CACTIN: variants seen among roughly 807,000 people sequenced by gnomAD.
The protein encoded by CACTIN is cactin, spliceosome C complex subunit, also known as splicing factor Cactin.
In CACTIN, 20 loss-of-function variants were observed where a neutral mutation model predicts 84.9. The observed-to-expected ratio is 0.24, with a 90% CI of 0.17 to 0.34. CACTIN has a LOEUF of 0.34. Among genes scored for constraint, CACTIN ranks in the 10% least tolerant of loss-of-function variants. The probability of loss-of-function intolerance (pLI) is 1.00; values close to 1 mark genes in which losing one functional copy is unlikely to be tolerated. For synonymous variants in CACTIN, 549 were observed against 467.9 expected (o/e 1.17, Z -2.24); for missense variants, 897 against 1,117.2 (o/e 0.80, Z 2.81).
At chr19:3,619,666 G>T (rs554438446) in intron 4 of CACTIN, among the ~76,000 whole-genome samples, 6 of 152,298 alleles carry the variant, frequency 3.9e-5, no homozygotes, top group Admixed American at 6.5e-5. Context: ...CCGGGTTTCT[G>T]TTCTGGGCCT....
chr19:3,624,728 G>C (rs554135222), intron 1 of CACTIN, among the ~76,000 whole-genome samples: 1 of 152,120 alleles, frequency 6.6e-6, no homozygotes, highest in Non-Finnish European at 1.5e-5. Context: ...TCAAGGGAGG[G>C]CTTCCTAGAT....
chr19:3,613,853 G>T, intron 7 of CACTIN: 1 of 527,010 alleles, frequency 1.9e-6, no homozygotes, highest in South Asian at 2.7e-5. Context: ...AGTGTCTTGT[G>T]GCTGGGGCTG....
chr19:3,613,296 C>T lies in CACTIN; in HGVS notation c.1548G>A (p.Glu516=). Reference sequence around the variant, plus strand: ...CCTCTGTCGGGGTCGCGCCGTCCACCTCGGCCTCCGCGGGGCCGCCCTCCG... The same window carrying T: ...CCTCTGTCGGGGTCGCGCCGTCCACTTCGGCCTCCGCGGGGCCGCCCTCCG... The part of the protein sequence containing the change: ...PSSEGGPAEA[E]VDGATPTEGD... The change falls in exon 9 of 10, where the codon GAG becomes GAA. Residue 516 remains glutamate, a synonymous_variant. Transcript: ENST00000429344. 6.3e-7 allele frequency: 1 copy of T among 1,598,490 alleles called. No individual in the cohort carries two copies. Among genetic ancestry groups the T allele is most frequent in the Non-Finnish European group, 8.5e-7 (1 of 1,175,918 alleles).
chr19:3,613,160 G>T lies in CACTIN; in HGVS notation c.1684C>A (p.Arg562=), dbSNP rs371323853. 6.2e-7 allele frequency: 1 copy of T among 1,610,318 alleles called. No homozygotes were observed. The highest frequency in any genetic ancestry group is 8.5e-7 in the Non-Finnish European group (1 of 1,179,308). Residue 562 remains arginine, a synonymous_variant, in exon 9 of 10, where the codon CGG becomes AGG. Coordinates refer to ENST00000429344, the MANE Select transcript of CACTIN (RefSeq NM_001080543.2). ...GGCAGCTCGTGCGCCGTGAGCAGCC[G>T]CGGGCTGTACCTGCCGGCGTCGTAG... ...DDYDAGRYSP[R]LLTAHELPLD...
At chr19:3,624,222 G>C in intron 1 of CACTIN, 60 bp from the exon 2 acceptor site, 1 of 1,426,624 alleles carries the variant, frequency 7.0e-7, no homozygotes, top group Non-Finnish European at 9.4e-7. Context: ...CTCCACAGAT[G>C]CTTACTGGGT....
At chr19:3,617,864 G>A (rs1011683911) in intron 6 of CACTIN, among the ~76,000 whole-genome samples, 18 of 152,344 alleles carry the variant, frequency 1.2e-4, no homozygotes, top group African/African-American at 4.3e-4. Flanking sequence ...GGAGACCACT[G>A]GAGGGACAGG....
At chr19:3,613,819 GTC>G in intron 7 of CACTIN, 1 of 580,626 alleles carries the variant, frequency 1.7e-6, no homozygotes, top group South Asian at 2.3e-5. Flanking sequence ...GGAGAGGTGG[GTC>G]TCTGTCTCAC....
At position 3,623,903 on chromosome 19, in the gene CACTIN, G is replaced by GCAGCCT. The variant is rs774305517; in HGVS notation, c.426_427insAGGCTG (p.Leu146_Arg147dup). ...TTCCGCTCCTCCCGCAGCCGCAGCCGCTCCTGCAGGCTCTGCTGCTGGCTC... is the reference window on the plus strand; with the variant it reads ...TTCCGCTCCTCCCGCAGCCGCAGCCGCAGCCTCTCCTGCAGGCTCTGCTGCTGGCTC... On this transcript the variant is annotated inframe_insertion, in exon 2 of 10. Coordinates refer to ENST00000429344, the MANE Select transcript of CACTIN (RefSeq NM_001080543.2). The GCAGCCT allele has an allele frequency of 1.2e-6, 2 of 1,606,366 alleles. No homozygotes were observed. Among genetic ancestry groups the GCAGCCT allele is most frequent in the Admixed American group, 3.3e-5 (2 of 59,990 alleles).
rs575056664 is a variant in CACTIN at position 3,623,881 on chromosome 19, C to T, written c.449G>A (p.Arg150Gln). The change falls in exon 2 of 10, where the codon CGG becomes CAG. Residue 150 changes from arginine to glutamine, a missense_variant. Physicochemically the swap from Arg to Gln is conservative, Grantham distance 43. This residue lies in a region of CACTIN where 261 missense variants were observed against 243.8 expected (regional missense o/e 1.07). Transcript: ENST00000429344. The stretch of plus-strand genomic sequence containing the variant: ...CTTCATCAGCTCCTCCTGCTGCTTC[C>T]GCTCCTCCCGCAGCCGCAGCCGCTC... Reference protein sequence around the residue: ...LQERLRLREERKQQEELMKAF... With the variant: ...LQERLRLREEQKQQEELMKAF... The T allele has an allele frequency of 6.8e-6, 11 of 1,607,726 alleles. No homozygotes were observed. Among genetic ancestry groups the T allele is most frequent in the Admixed American group, 3.3e-5 (2 of 60,014 alleles).
chr19:3,618,653 C>T (rs761097012), intron 6 of CACTIN, among the ~76,000 whole-genome samples: 1 of 152,238 alleles, frequency 6.6e-6, no homozygotes, highest in African/African-American at 2.4e-5. Flanking sequence ...TGGGTCTGGA[C>T]GCTGCTGGCC....
At chr19:3,613,633 G>T in intron 7 of CACTIN, 47 bp from the exon 8 acceptor site, 1 of 1,561,602 alleles carries the variant, frequency 6.4e-7, no homozygotes. Flanking sequence ...AAGGGGCTCC[G>T]CGCCCCACCC....
intron 1 of CACTIN, among the ~76,000 whole-genome samples, chr19:3,625,777 A>G (rs1236333971): frequency 2.0e-5 from 3 of 152,224 alleles, no homozygotes; most frequent in Non-Finnish European, 4.4e-5. Flanking sequence ...CTTGGCCCAG[A>G]GCGGGGCAAG....
intron 6 of CACTIN, chr19:3,616,378 AGGTG>A (rs2033106878): frequency 1.3e-5 from 2 of 152,236 alleles, no homozygotes; most frequent in South Asian, 4.1e-4. Flanking sequence ...TTGGAGGCTG[AGGTG>A]GGTGGATCAC....
chr19:3,617,524 G>A (rs1201987257), intron 6 of CACTIN, among the ~76,000 whole-genome samples: 1 of 152,118 alleles, frequency 6.6e-6, no homozygotes, highest in Non-Finnish European at 1.5e-5. Context: ...GCCATGGAAG[G>A]GATGGGAGAG....
At chr19:3,618,770 C>A (rs886622150) in intron 6 of CACTIN, 105 bp downstream of exon 6, 2 of 920,876 alleles carry the variant, frequency 2.2e-6, no homozygotes, top group South Asian at 1.7e-5. Context: ...TTGGGGAAAC[C>A]GAGGCCTGCA....
Position 3,620,192 on chromosome 19 carries a change from C to T in CACTIN, c.819G>A (p.Glu273=), listed in dbSNP as rs773180247. The T allele has an allele frequency of 6.2e-7, 1 of 1,610,950 alleles. No homozygotes were observed. The highest frequency in any genetic ancestry group is 8.5e-7 in the Non-Finnish European group (1 of 1,179,596). The part of the protein sequence containing the change: ...QELEMLQREK[E]AEHFKTWEEQ... The stretch of plus-strand genomic sequence containing the variant: ...CCTCCCATGTCTTGAAGTGCTCTGC[C>T]TCCTTCTCGCGCTGCAGCATCTCCA... Residue 273 remains glutamate, a synonymous_variant, in exon 4 of 10, where the codon GAG becomes GAA. Transcript: ENST00000429344.
chr19:3,621,237 A>C (rs1406023745), intron 2 of CACTIN, among the ~76,000 whole-genome samples: 1 of 152,236 alleles, frequency 6.6e-6, no homozygotes, highest in Non-Finnish European at 1.5e-5. Context: ...GGGACAGGGC[A>C]GGAACAGTGA....
Position 3,611,797 on chromosome 19 carries a change from C to A in CACTIN, c.*126G>T, listed in dbSNP as rs187722353. The A allele has an allele frequency of 8.0e-5, 95 of 1,191,344 alleles. No individual in the cohort carries two copies. The African/African-American group carries it at 1.2e-3, about 15-fold the overall frequency. The allele number at this position is 1,191,344 out of a possible 1,614,324, so 73.8% of individuals were successfully genotyped here. A position where few individuals can be genotyped will look rare whatever the true frequency, so the allele number is the denominator to read the frequency against. On this transcript the variant is annotated 3_prime_UTR_variant, in exon 10 of 10. Coordinates refer to ENST00000429344, the MANE Select transcript of CACTIN (RefSeq NM_001080543.2). ...ACTGAGGCCTGGCGAAAGAAAGATG[C>A]GGCCTGAGGTGGGACGTGAACCCGC...
At position 3,614,592 on chromosome 19, in the gene CACTIN, G is replaced by A. The variant is rs765005997; in HGVS notation, c.1163-3C>T. Reference sequence around the variant, plus strand: ...GTTGACCCCCTCGCGGCGCTCACCTGCAGCGGGGTGGGGGCATGGGGGGGC... The same window carrying A: ...GTTGACCCCCTCGCGGCGCTCACCTACAGCGGGGTGGGGGCATGGGGGGGC... On this transcript the variant is annotated splice_polypyrimidine_tract_variant and splice_region_variant and intron_variant, in intron 6 of 9. Transcript: ENST00000429344. 6.3e-7 allele frequency: 1 copy of A among 1,595,064 alleles called. No homozygotes were observed. The highest frequency in any genetic ancestry group is 2.3e-5 in the East Asian group (1 of 43,884).
Sources: allele counts gnomAD v4.1 joint callset (sites outside exome capture counted in the v4.1 genomes callset), GRCh38; gene constraint gnomAD v4.1.1; regional missense constraint gnomAD v4.1.1; transcripts MANE v1.5; gene names NCBI Gene and HGNC (gene_info 2026-07-23, HGNC 2026-07-21).